The following TDRD12 variants were observed in gnomAD, a reference collection of about 807,000 sequenced individuals.
The protein encoded by TDRD12 is putative ATP-dependent RNA helicase TDRD12.
A neutral mutation model predicts 133.5 loss-of-function variants in TDRD12; 158 were observed. That is an observed-to-expected ratio of 1.18 (90% CI 1.04 to 1.35). The LOEUF is 1.35. Among genes scored for constraint, TDRD12 ranks in the 40% most tolerant of loss-of-function variants. The pLI is 0.00. For synonymous variants in TDRD12, 460 were observed against 477.9 expected (o/e 0.96, Z 0.49); for missense variants, 1,443 against 1,321.3 (o/e 1.09, Z -1.43).
At chr19:32,826,164 A>G (rs1483219492), downstream of TDRD12, 6 of 1,535,754 alleles carry the variant, frequency 3.9e-6, no homozygotes, top group Non-Finnish European at 5.2e-6. Flanking sequence ...CTGAAAAGGT[A>G]CGTCCACTCG....
chr19:32,747,387 A>T (rs1377856847), intron 4 of TDRD12, among the ~76,000 whole-genome samples: 2 of 152,236 alleles, frequency 1.3e-5, no homozygotes, highest in Non-Finnish European at 2.9e-5. Context: ...AAGAATAAAA[A>T]TAACCAACAT....
rs1337945386 is a variant in TDRD12 at position 32,800,875 on chromosome 19, A to T, written c.2079+103A>T. ...TGGTTGACTCTGTGGCAGGGAAGTA[A>T]AGTTTTACAAGTTTAACATCAATCA... On this transcript the variant is annotated intron_variant, in intron 18 of 27. Coordinates refer to ENST00000444215, the Ensembl canonical transcript of TDRD12. The T allele has an allele frequency of 8.5e-6, 10 of 1,173,234 alleles. No homozygotes were observed. The East Asian group carries it at 2.8e-4, about 33-fold the overall frequency. The allele number at this position is 1,173,234 out of a possible 1,614,324, so 72.7% of individuals were successfully genotyped here.
chr19:32,734,349 C>T (rs1969158242), intron 2 of TDRD12, among the ~76,000 whole-genome samples: 1 of 151,150 alleles, frequency 6.6e-6, no homozygotes, highest in Non-Finnish European at 1.5e-5. Flanking sequence ...GTTTTTCTCT[C>T]CTCCTCCTCC....
chr19:32,798,905 A>T (rs12462375), intron 16 of TDRD12, among the ~76,000 whole-genome samples: 1 of 152,186 alleles, frequency 6.6e-6, no homozygotes, highest in African/African-American at 2.4e-5. Context: ...AGGGCGCAGC[A>T]GCGTAAGGGC....
Position 32,802,826 on chromosome 19 carries a change from G to A in TDRD12, c.2331+37G>A, listed in dbSNP as rs750127139. On this transcript the variant is annotated intron_variant, in intron 20 of 27. Transcript: ENST00000444215. The stretch of plus-strand genomic sequence containing the variant: ...TTTTATTCTCTTCCATATTCCACTG[G>A]CATCTTCTGTGTCATGATAAGCTCA... 5 of 1,535,260 alleles carry A rather than the reference G, an allele frequency of 3.3e-6. No homozygotes were observed. In the South Asian group the frequency reaches 4.8e-5, roughly 15 times the overall value.
chr19:32,815,043 G>GAAGAAAT (rs1967127728), intron 25 of TDRD12, among the ~76,000 whole-genome samples: 1 of 152,250 alleles, frequency 6.6e-6, no homozygotes, highest in Non-Finnish European at 1.5e-5. Flanking sequence ...ACAGGATTCA[G>GAAGAAAT]GTCCTTGGCT....
chr19:32,734,871 T>C (rs1386881077), intron 2 of TDRD12, among the ~76,000 whole-genome samples: 1 of 152,212 alleles, frequency 6.6e-6, no homozygotes, highest in African/African-American at 2.4e-5. Context: ...TTTGTTATTA[T>C]TCTATCTGTT....
intron 27 of TDRD12, among the ~76,000 whole-genome samples, chr19:32,820,316 A>G (rs138865259): frequency 0.015 from 2,220 of 152,268 alleles, 20 homozygotes; most frequent in Non-Finnish European, 0.021. Flanking sequence ...AAAGATGTAC[A>G]AAAACTGAGT....
chr19:32,777,752 C>T (rs547896235), intron 11 of TDRD12, among the ~76,000 whole-genome samples: 66 of 141,590 alleles, frequency 4.7e-4, no homozygotes, highest in African/African-American at 1.7e-3. Context: ...TCAAGCGATC[C>T]TCCCACCTCA....
At position 32,813,672 on chromosome 19, in the gene TDRD12, T is replaced by A. The variant is rs978143260; in HGVS notation, c.3049-12T>A. On this transcript the variant is annotated splice_polypyrimidine_tract_variant and intron_variant, in intron 24 of 27. Coordinates refer to ENST00000444215, the Ensembl canonical transcript of TDRD12. ...AAGCCTCACCTAAAATAATGTTAAG[T>A]GCTTTTTTCAGGTTACTAGGTACAT... 1 of 1,466,450 alleles carries A rather than the reference T, an allele frequency of 6.8e-7. No individual in the cohort carries two copies. Among genetic ancestry groups the A allele is most frequent in the African/African-American group, 1.4e-5 (1 of 71,354 alleles). The allele number at this position is 1,466,450 out of a possible 1,614,324, so 90.8% of individuals were successfully genotyped here. A position where few individuals can be genotyped will look rare whatever the true frequency, so the allele number is the denominator to read the frequency against.
At chr19:32,748,678 A>T (rs1321282152) in intron 5 of TDRD12, 147 bp downstream of exon 5, 2 of 677,588 alleles carry the variant, frequency 3.0e-6, no homozygotes, top group Non-Finnish European at 4.9e-6. Flanking sequence ...GGCTTCCTCC[A>T]GCTCAAGTGC....
chr19:32,729,851 C>T (rs1204477825), intron 1 of TDRD12, among the ~76,000 whole-genome samples: 8 of 126,672 alleles, frequency 6.3e-5, no homozygotes, highest in East Asian at 2.6e-4. Context: ...AGTGCAGTGG[C>T]GCAATCTCGG....
intron 24 of TDRD12, among the ~76,000 whole-genome samples, chr19:32,813,415 A>T (rs1221836941): frequency 6.6e-6 from 1 of 152,168 alleles, no homozygotes; most frequent in African/African-American, 2.4e-5. Context: ...AAGAAAATGT[A>T]CAGTGTTGGG....
intron 8 of TDRD12, among the ~76,000 whole-genome samples, chr19:32,769,093 C>T (rs530966052): frequency 8.2e-4 from 125 of 152,158 alleles, no homozygotes; most frequent in African/African-American, 2.9e-3. Context: ...AGATAGATTT[C>T]CTTCTAGTCT....
At chr19:32,815,404 T>C (rs1411488590) in intron 25 of TDRD12, 44 bp from the exon 26 acceptor site, 3 of 1,474,768 alleles carry the variant, frequency 2.0e-6, no homozygotes, top group Non-Finnish European at 2.7e-6. Context: ...CAGTTAAAAT[T>C]CAGAGTGATT....
chr19:32,732,505 T>C (rs2145438134), intron 2 of TDRD12, among the ~76,000 whole-genome samples: 1 of 152,294 alleles, frequency 6.6e-6, no homozygotes, highest in South Asian at 2.1e-4. Flanking sequence ...GAATAGGGTC[T>C]TCAGTGTAGG....
chr19:32,798,002 G>A, intron 15 of TDRD12, 111 bp downstream of exon 15: 2 of 595,716 alleles, frequency 3.4e-6, no homozygotes, highest in Non-Finnish European at 6.0e-6. Flanking sequence ...CATGGCTTGT[G>A]TGATGACACA....
intron 8 of TDRD12, among the ~76,000 whole-genome samples, chr19:32,759,203 T>C (rs930238149): frequency 2.0e-5 from 3 of 152,140 alleles, no homozygotes; most frequent in African/African-American, 7.2e-5. Flanking sequence ...CCCTGTAGAC[T>C]CTTTTGCATT....
intron 10 of TDRD12, among the ~76,000 whole-genome samples, chr19:32,776,239 C>T (rs1163610713): frequency 6.6e-6 from 1 of 152,178 alleles, no homozygotes; most frequent in African/African-American, 2.4e-5. Flanking sequence ...ATTGGGATAC[C>T]TTGAGAATAA....
Sources: allele counts gnomAD v4.1 joint callset (sites outside exome capture counted in the v4.1 genomes callset), GRCh38; gene constraint gnomAD v4.1.1; transcripts MANE v1.5; gene names NCBI Gene and HGNC (gene_info 2026-07-23, HGNC 2026-07-21).